ARHGAP25: variants seen among roughly 807,000 people sequenced by gnomAD.
ARHGAP25 encodes rho GTPase-activating protein 25.
A neutral mutation model predicts 71.0 loss-of-function variants in ARHGAP25; 34 were observed. That is an observed-to-expected ratio of 0.48 (90% CI 0.36 to 0.64). The LOEUF (loss-of-function observed/expected upper bound fraction) is 0.64. Ranked by LOEUF, ARHGAP25 falls within the 30% of genes least tolerant of loss-of-function variation. ARHGAP25 has a pLI of 0.00. For synonymous variants in ARHGAP25, 282 were observed against 296.5 expected (o/e 0.95, Z 0.50); for missense variants, 706 against 805.1 (o/e 0.88, Z 1.49).
intron 2 of ARHGAP25, among the ~76,000 whole-genome samples, chr2:68,716,866 C>T (rs906593297): frequency 6.6e-6 from 1 of 152,162 alleles, no homozygotes; most frequent in East Asian, 1.9e-4. Context: ...CCTGGTTGAA[C>T]GATTCATGTA....
intron 3 of ARHGAP25, among the ~76,000 whole-genome samples, chr2:68,784,999 A>C (rs1345647464): frequency 6.6e-6 from 1 of 152,222 alleles, no homozygotes; most frequent in East Asian, 1.9e-4. Context: ...CTAAGAGCAC[A>C]GCTGGAGGAA....
intron 2 of ARHGAP25, among the ~76,000 whole-genome samples, chr2:68,710,904 C>T (rs1674465426): frequency 6.6e-6 from 1 of 152,134 alleles, no homozygotes; most frequent in Admixed American, 6.5e-5. Context: ...AAAGTGAAAA[C>T]CAAGATCTCT....
intron 1 of ARHGAP25, among the ~76,000 whole-genome samples, chr2:68,743,156 T>C (rs932705298): frequency 6.6e-6 from 1 of 152,006 alleles, no homozygotes; most frequent in African/African-American, 2.4e-5. Flanking sequence ...AGGCAAAGAG[T>C]GACTCTGGGT....
intron 5 of ARHGAP25, 93 bp from the exon 6 acceptor site, chr2:68,813,194 G>T: frequency 7.2e-7 from 1 of 1,395,918 alleles, no homozygotes; most frequent in Non-Finnish European, 9.6e-7. Flanking sequence ...GTAATTTATG[G>T]TTCTATTCAC....
chr2:68,718,295 C>G (rs1674667870), intron 2 of ARHGAP25, among the ~76,000 whole-genome samples: 1 of 152,160 alleles, frequency 6.6e-6, no homozygotes, highest in African/African-American at 2.4e-5. Flanking sequence ...GAATCATTTT[C>G]TCACCTTTCC....
intron 4 of ARHGAP25, among the ~76,000 whole-genome samples, chr2:68,788,436 T>C (rs1425356537): frequency 2.0e-5 from 3 of 152,230 alleles, no homozygotes; most frequent in African/African-American, 4.8e-5. Flanking sequence ...ATAAAGCTAC[T>C]GTCCAAAAGA....
At chr2:68,741,570 G>A (rs1247013148) in intron 1 of ARHGAP25, among the ~76,000 whole-genome samples, 3 of 152,092 alleles carry the variant, frequency 2.0e-5, no homozygotes, top group Non-Finnish European at 4.4e-5. Context: ...TTTAAAAAAT[G>A]TTATTATTTA....
intron 2 of ARHGAP25, among the ~76,000 whole-genome samples, chr2:68,723,503 G>A (rs1187860826): frequency 6.6e-6 from 1 of 152,152 alleles, no homozygotes; most frequent in Non-Finnish European, 1.5e-5. Context: ...GGCCTCTATG[G>A]TCTGTTGTAT....
intron 1 of ARHGAP25, among the ~76,000 whole-genome samples, chr2:68,746,703 A>ACCCC (rs370621628): frequency 9.3e-5 from 13 of 139,744 alleles, no homozygotes; most frequent in East Asian, 4.2e-4. Context: ...GACAGGGACC[A>ACCCC]CCCCCCTCCC....
chr2:68,819,714 C>A, intron 9 of ARHGAP25: 2 of 519,944 alleles, frequency 3.8e-6, no homozygotes, highest in South Asian at 3.2e-5. Context: ...TCCTGCTAAC[C>A]CATGAAACGT....
In ARHGAP25 at chr2:68,735,252, C is replaced by T. The variant is rs775215112; in HGVS notation, c.53C>T (p.Ala18Val). Residue 18 changes from alanine to valine, a missense_variant, in exon 1 of 11, where the codon GCG becomes GTG. Physicochemically the swap from Ala to Val is moderately conservative, Grantham distance 64. Coordinates refer to ENST00000409202, the MANE Select transcript of ARHGAP25 (RefSeq NM_001007231.3). ...GATTTCAACCTGAAAGTGGAGGCTGCGAAAATAGGTATGGTTGGTGTCTTT... is the reference window on the plus strand; with the variant it reads ...GATTTCAACCTGAAAGTGGAGGCTGTGAAAATAGGTATGGTTGGTGTCTTT... Reference protein sequence around the residue: ...NWDFNLKVEAAKIARSRSVMT... With the variant: ...NWDFNLKVEAVKIARSRSVMT... 17 of 1,613,888 alleles carry T rather than the reference C, an allele frequency of 1.1e-5. No homozygotes were observed. The highest frequency in any genetic ancestry group is 1.4e-5 in the Non-Finnish European group (16 of 1,179,920).
intron 2 of ARHGAP25, among the ~76,000 whole-genome samples, chr2:68,728,097 C>G (rs1045955029): frequency 6.6e-6 from 1 of 152,146 alleles, no homozygotes; most frequent in African/African-American, 2.4e-5. Flanking sequence ...AAGTTGAAGG[C>G]TTGAGTTTTA....
intron 4 of ARHGAP25, among the ~76,000 whole-genome samples, chr2:68,802,786 T>A (rs1290533739): frequency 1.3e-5 from 2 of 151,996 alleles, no homozygotes; most frequent in South Asian, 4.2e-4. Context: ...AATAAAACAC[T>A]TTTTTTATGA....
intron 1 of ARHGAP25, among the ~76,000 whole-genome samples, chr2:68,754,996 G>A (rs890821292): frequency 2.0e-5 from 3 of 152,014 alleles, no homozygotes; most frequent in African/African-American, 7.2e-5. Flanking sequence ...CACTCTCTTA[G>A]TGTTTGCTTT....
At chr2:68,714,983 T>G (rs1007318586) in intron 2 of ARHGAP25, among the ~76,000 whole-genome samples, 1 of 152,142 alleles carries the variant, frequency 6.6e-6, no homozygotes, top group Admixed American at 6.5e-5. Context: ...GGTTGCCACT[T>G]TTGGACATTT....
At chr2:68,782,025 A>G (rs1396243717) in intron 2 of ARHGAP25, among the ~76,000 whole-genome samples, 1 of 152,136 alleles carries the variant, frequency 6.6e-6, no homozygotes, top group African/African-American at 2.4e-5. Flanking sequence ...TTCTCTGGGC[A>G]CCTGATTTGC....
At chr2:68,788,137 G>C (rs1009566768) in intron 4 of ARHGAP25, among the ~76,000 whole-genome samples, 181 bp downstream of exon 4, 4 of 152,328 alleles carry the variant, frequency 2.6e-5, no homozygotes, top group South Asian at 2.1e-4. Context: ...AGAGCTTCTA[G>C]CTTCCCACCC....
intron 9 of ARHGAP25, 119 bp from the exon 10 acceptor site, chr2:68,822,221 A>C (rs998350523): frequency 7.1e-5 from 69 of 967,320 alleles, no homozygotes; most frequent in Admixed American, 2.3e-5. Flanking sequence ...TGATACATTA[A>C]GAATTTCATA....
chr2:68,744,135 A>G (rs1366332469), intron 1 of ARHGAP25, among the ~76,000 whole-genome samples: 3 of 152,162 alleles, frequency 2.0e-5, no homozygotes, highest in African/African-American at 7.2e-5. Context: ...CTCCAGAAAG[A>G]TCGGGAGCCA....
Sources: allele counts gnomAD v4.1 joint callset (sites outside exome capture counted in the v4.1 genomes callset), GRCh38; gene constraint gnomAD v4.1.1; transcripts MANE v1.5; gene names NCBI Gene and HGNC (gene_info 2026-07-23, HGNC 2026-07-21).